SLC15A2: variants seen among roughly 807,000 people sequenced by gnomAD.
SLC15A2 encodes the protein solute carrier family 15 member 2.
A neutral mutation model predicts 95.5 loss-of-function variants in SLC15A2; 77 were observed. The observed-to-expected ratio is 0.81, with a 90% CI of 0.67 to 0.97. The LOEUF (loss-of-function observed/expected upper bound fraction) is 0.97. Ranked by LOEUF, SLC15A2 falls within the 50% of genes least tolerant of loss-of-function variation. SLC15A2 has a pLI of 0.00. For synonymous variants in SLC15A2, 306 were observed against 306.9 expected, an observed-to-expected ratio of 1.00 and a Z score of 0.03; for missense variants, 893 against 874.4, an observed-to-expected ratio of 1.02 and a Z score of -0.27.
chr3:121,902,779 T>C lies in SLC15A2; in HGVS notation c.335+5250T>C, dbSNP rs149673775. On this transcript the variant is annotated intron_variant, in intron 3 of 21. Transcript: ENST00000489711. The stretch of plus-strand genomic sequence containing the variant: ...TATCATTGATGGACATTTGGCTTGG[T>C]TGCAAGTTTTTGCTATTGTGAATAG... Among the ~76,000 whole-genome samples the C allele has an allele frequency of 1.7e-3, 260 of 152,378 alleles. 5 individuals carry two copies. In the East Asian group the frequency reaches 0.034, roughly 20 times the overall value.
rs1460137621 is a variant in SLC15A2 at position 121,929,145 on chromosome 3, T to C, written c.1505T>C (p.Met502Thr). Residue 502 changes from methionine (M) to threonine (T), a missense_variant and splice_region_variant, in exon 16 of 22, where the codon ATG becomes ACG. Coordinates refer to ENST00000489711, the MANE Select transcript of SLC15A2 (RefSeq NM_021082.4). ...REDGNSISSM[M>T]VKDTESRTTN... ...GATGGGAACAGTATCTCCAGCATGA[T>C]GGTAATTTGAGGAATTGCCTGTGTT... is the stretch of plus-strand genomic sequence containing the variant. 2 of 1,610,402 alleles carry C rather than the reference T, an allele frequency of 1.2e-6. No individual in the cohort carries two copies. Among genetic ancestry groups the C allele is most frequent in the Non-Finnish European group, 1.7e-6 (2 of 1,177,720 alleles).
chr3:121,937,720 A>G (rs1420166697), intron 19 of SLC15A2, among the ~76,000 whole-genome samples: 1 of 152,072 alleles, frequency 6.6e-6, no homozygotes, highest in Non-Finnish European at 1.5e-5. Flanking sequence ...ATGTCCTCTC[A>G]TAGCTCAGAG....
intron 3 of SLC15A2, among the ~76,000 whole-genome samples, chr3:121,906,403 G>C (rs900932521): frequency 6.6e-6 from 1 of 152,210 alleles, no homozygotes; most frequent in Non-Finnish European, 1.5e-5. Flanking sequence ...CAATCATTAT[G>C]ATGTTAGCTG....
chr3:121,904,163 G>C (rs1453366836), intron 3 of SLC15A2, among the ~76,000 whole-genome samples: 1 of 152,122 alleles, frequency 6.6e-6, no homozygotes, highest in Non-Finnish European at 1.5e-5. Context: ...TCTGTTATTG[G>C]TGTATAAGAA....
chr3:121,896,633 C>A, intron 2 of SLC15A2, 140 bp downstream of exon 2: 1 of 667,070 alleles, frequency 1.5e-6, no homozygotes, highest in Non-Finnish European at 2.7e-6. Flanking sequence ...TTTACTTTGG[C>A]CAAGACTTCC....
rs902201480 is a variant in SLC15A2, at chr3:121,943,123, A to G, written c.*2116A>G. Reference sequence around the variant, plus strand: ...TCTACTAAAAGTACAAAAATTAGCCAGGTGTGATGGCAGGTGCCTGTAATC... The same window carrying G: ...TCTACTAAAAGTACAAAAATTAGCCGGGTGTGATGGCAGGTGCCTGTAATC... On this transcript the variant is annotated 3_prime_UTR_variant, in exon 22 of 22. Transcript: ENST00000489711. 6.6e-6 allele frequency: 1 copy of G among 152,174 alleles called. No homozygotes were observed. The highest frequency in any genetic ancestry group is 1.5e-5 in the Non-Finnish European group (1 of 68,106). The allele number at this position is 152,174 out of a possible 1,614,324, so 9.4% of individuals were successfully genotyped here. A position where few individuals can be genotyped will look rare whatever the true frequency, so the allele number is the denominator to read the frequency against.
chr3:121,903,937 G>T (rs1234586321), intron 3 of SLC15A2, among the ~76,000 whole-genome samples: 1 of 152,124 alleles, frequency 6.6e-6, no homozygotes, highest in Non-Finnish European at 1.5e-5. Context: ...AAATTACCTT[G>T]GGCAGTATGG....
rs546233641 is a variant in SLC15A2 at position 121,921,151 on chromosome 3, G to T, written c.698-1069G>T. Among the ~76,000 whole-genome samples, 25 of 152,308 alleles carry T rather than the reference G, an allele frequency of 1.6e-4. No individual in the cohort carries two copies. In the East Asian group the frequency reaches 4.8e-3, roughly 29 times the overall value. On this transcript the variant is annotated intron_variant, in intron 7 of 21. Coordinates refer to ENST00000489711, the MANE Select transcript of SLC15A2 (RefSeq NM_021082.4). Reference sequence around the variant, plus strand: ...GCTGAAAGAAACAGAATGAGCTCAAGAACAGAAATAGTATAGAACAGAAGT... The same window carrying T: ...GCTGAAAGAAACAGAATGAGCTCAATAACAGAAATAGTATAGAACAGAAGT...
intron 19 of SLC15A2, among the ~76,000 whole-genome samples, chr3:121,934,439 T>G (rs1292855853): frequency 7.9e-5 from 12 of 152,120 alleles, no homozygotes; most frequent in East Asian, 1.9e-4. Flanking sequence ...TTTATTTCCT[T>G]GAGCAGTGGA....
At chr3:121,918,185 C>T (rs183702408) in intron 7 of SLC15A2, among the ~76,000 whole-genome samples, 11 of 152,286 alleles carry the variant, frequency 7.2e-5, no homozygotes, top group African/African-American at 2.6e-4. Flanking sequence ...ATGAGTGCTT[C>T]ACTCAGTTTA....
chr3:121,933,276 C>G (rs1041205516), intron 19 of SLC15A2, among the ~76,000 whole-genome samples: 15 of 151,708 alleles, frequency 9.9e-5, no homozygotes, highest in Non-Finnish European at 4.4e-5. Context: ...GGTATAAACC[C>G]AGTAATGGGA....
At position 121,939,363 on chromosome 3, in the gene SLC15A2, T is replaced by A; in HGVS notation, c.1776T>A (p.Gly592=). 6.5e-7 allele frequency: 1 copy of A among 1,538,972 alleles called. No individual in the cohort carries two copies. Among genetic ancestry groups the A allele is most frequent in the East Asian group, 2.5e-5 (1 of 40,564 alleles). The change falls in exon 20 of 22, where the codon GGT becomes GGA. Residue 592 remains glycine (G), a synonymous_variant. Coordinates refer to ENST00000489711, the MANE Select transcript of SLC15A2 (RefSeq NM_021082.4). ...CTTTCCCTAAGAACACCAATCAGGG[T>A]CTTCAGGCCTGGAAGATTGAAGACA... ...LFVITNNTNQ[G]LQAWKIEDIP... is the part of the protein sequence containing the mutation.
chr3:121,931,644 C>T lies in SLC15A2; in HGVS notation c.1670C>T (p.Pro557Leu). Reference sequence around the variant, plus strand: ...CTAAATTCATCCTGTTCCAGATACCCTGCAGTGCACTGTAGAACAGAAGAT... The same window carrying T: ...CTAAATTCATCCTGTTCCAGATACCTTGCAGTGCACTGTAGAACAGAAGAT... ...AYRTVQRGEY[P>L]AVHCRTEDKN... The change falls in exon 19 of 22, where the codon CCT becomes CTT. Residue 557 changes from proline (P) to leucine (L), a missense_variant. Pro to Leu is a moderately conservative substitution (Grantham distance 98). Transcript: ENST00000489711. 6.2e-7 allele frequency: 1 copy of T among 1,606,902 alleles called. No homozygotes were observed. The highest frequency in any genetic ancestry group is 8.5e-7 in the Non-Finnish European group (1 of 1,173,618).
chr3:121,927,574 C>T, intron 13 of SLC15A2, 184 bp from the exon 14 acceptor site: 3 of 525,134 alleles, frequency 5.7e-6, no homozygotes, highest in Non-Finnish European at 1.0e-5. Context: ...ACTGTGCTTC[C>T]TGTAAAGCTA....
intron 17 of SLC15A2, 45 bp from the exon 18 acceptor site, chr3:121,930,795 G>T (rs1439784003): frequency 1.6e-6 from 2 of 1,269,576 alleles, no homozygotes; most frequent in Non-Finnish European, 2.3e-6. Flanking sequence ...TCTTTTATCA[G>T]GTGTTCCTGT....
chr3:121,918,940 T>G (rs922884153), intron 7 of SLC15A2, among the ~76,000 whole-genome samples: 3 of 152,194 alleles, frequency 2.0e-5, no homozygotes, highest in Non-Finnish European at 4.4e-5. Flanking sequence ...CGCCTCTGTC[T>G]GGGCCTTGCT....
At chr3:121,924,812 G>T in intron 12 of SLC15A2, 133 bp from the exon 13 acceptor site, 1 of 718,020 alleles carries the variant, frequency 1.4e-6, no homozygotes. Context: ...GAGGAATGTG[G>T]AGTCATTCTG....
chr3:121,928,451 G>T lies in SLC15A2; in HGVS notation c.1237G>T (p.Glu413Ter), dbSNP rs745366911. The T allele has an allele frequency of 6.2e-7, 1 of 1,614,088 alleles. No homozygotes were observed. Among genetic ancestry groups the T allele is most frequent in the Non-Finnish European group, 8.5e-7 (1 of 1,179,952 alleles). The change falls in exon 15 of 22, where the codon GAG (glutamate) becomes TAG (stop). Residue 413 changes from glutamate (E) to a stop codon, truncating the protein, a stop_gained. Coordinates refer to ENST00000489711, the MANE Select transcript of SLC15A2 (RefSeq NM_021082.4). LOFTEE classifies it high-confidence loss of function. ...EMAPAQPGPQ[E>*]VFLQVLNLAD... is the part of the protein sequence containing the mutation. ...GGCCCCAGCCCAGCCAGGTCCCCAG[G>T]AGGTTTTCCTACAAGTCTTGAATCT...
intron 13 of SLC15A2, among the ~76,000 whole-genome samples, chr3:121,926,089 A>C (rs4583698): frequency 0.45 from 67,620 of 151,616 alleles, 15,613 homozygotes; most frequent in East Asian, 0.69. Flanking sequence ...AAGAAAGAAG[A>C]ATGTATGAAG....
Sources: gnomAD v4.1 joint callset for allele counts (sites outside exome capture counted in the v4.1 genomes callset) on GRCh38, gnomAD v4.1.1 for gene constraint, MANE v1.5 for transcripts, NCBI Gene and HGNC (gene_info 2026-07-23, HGNC 2026-07-21) for gene names.